The following KIAA1328 variants were observed in gnomAD, a reference collection of about 807,000 sequenced individuals.
KIAA1328 encodes KIAA1328, also known as protein hinderin.
KIAA1328 carries 52 observed loss-of-function variants against 68.1 expected under a neutral mutation model. That is an observed-to-expected ratio of 0.76 (90% confidence interval 0.61 to 0.96). The LOEUF is 0.96. KIAA1328 is among the 40% of genes least tolerant of loss of function. The pLI is 0.00. For missense variants in KIAA1328, 641 were observed against 677.6 expected, an observed-to-expected ratio of 0.95 and a Z score of 0.60; for synonymous variants, 232 against 239.4, an observed-to-expected ratio of 0.97 and a Z score of 0.28.
At chr18:37,013,365 T>C (rs1274369392) in intron 6 of KIAA1328, among the ~76,000 whole-genome samples, 1 of 152,224 alleles carries the variant, frequency 6.6e-6, no homozygotes, top group Non-Finnish European at 1.5e-5. Flanking sequence ...TTTTCAACTT[T>C]TATTTTTATG....
chr18:37,098,387 T>C (rs1396580087), intron 7 of KIAA1328, among the ~76,000 whole-genome samples: 3 of 152,202 alleles, frequency 2.0e-5, no homozygotes, highest in Non-Finnish European at 4.4e-5. Context: ...TATTGATTTG[T>C]GTATGTTGAA....
chr18:36,885,743 A>G, intron 5 of KIAA1328, 71 bp downstream of exon 5: 5 of 1,025,646 alleles, frequency 4.9e-6, no homozygotes, highest in Non-Finnish European at 7.2e-6. Context: ...TTGAGACGAA[A>G]TCTCGCTCTT....
chr18:37,228,415 T>G (rs2060650048), downstream of KIAA1328, among the ~76,000 whole-genome samples: 1 of 152,184 alleles, frequency 6.6e-6, no homozygotes, highest in African/African-American at 2.4e-5. Context: ...TGTGCCAAAC[T>G]TCATTGTTGT....
intron 6 of KIAA1328, among the ~76,000 whole-genome samples, chr18:37,006,633 G>T (rs1337218626): frequency 1.3e-5 from 2 of 151,844 alleles, no homozygotes; most frequent in Non-Finnish European, 2.9e-5. Context: ...CCATTAACTC[G>T]TCATTTACAT....
intron 6 of KIAA1328, among the ~76,000 whole-genome samples, chr18:36,963,562 G>C (rs2051788728): frequency 6.7e-6 from 1 of 149,066 alleles, no homozygotes; most frequent in Admixed American, 6.6e-5. Context: ...AGGTGTTACT[G>C]ATTTGTATTT....
chr18:37,101,559 A>T (rs1160863915), intron 7 of KIAA1328, among the ~76,000 whole-genome samples: 1 of 152,236 alleles, frequency 6.6e-6, no homozygotes, highest in East Asian at 1.9e-4. Context: ...CCTGAAAGTG[A>T]CGGGGAGAAT....
At chr18:36,927,506 G>T (rs1374119137) in intron 5 of KIAA1328, among the ~76,000 whole-genome samples, 1 of 152,192 alleles carries the variant, frequency 6.6e-6, no homozygotes, top group African/African-American at 2.4e-5. Flanking sequence ...CAACACTTTG[G>T]AAGGCTGCTA....
At chr18:37,049,304 G>A (rs2055600194) in intron 6 of KIAA1328, among the ~76,000 whole-genome samples, 1 of 152,174 alleles carries the variant, frequency 6.6e-6, no homozygotes, top group South Asian at 2.1e-4. Context: ...GGGGACATAG[G>A]AAAACCACAA....
chr18:36,934,251 C>T (rs2050418403), intron 5 of KIAA1328, among the ~76,000 whole-genome samples: 1 of 152,076 alleles, frequency 6.6e-6, no homozygotes, highest in South Asian at 2.1e-4. Context: ...TTGATGTTTT[C>T]CTCTCTGGAA....
intron 7 of KIAA1328, among the ~76,000 whole-genome samples, chr18:37,157,910 AATG>A (rs1317806251): frequency 3.3e-5 from 5 of 151,926 alleles, no homozygotes; most frequent in African/African-American, 1.2e-4. Flanking sequence ...TCTCTTATAG[AATG>A]ATATTTGCTT....
chr18:37,101,996 A>C (rs944575517), intron 7 of KIAA1328, among the ~76,000 whole-genome samples: 1 of 152,246 alleles, frequency 6.6e-6, no homozygotes, highest in Non-Finnish European at 1.5e-5. Context: ...ATTTCTCCCT[A>C]ACTCATTCTA....
intron 5 of KIAA1328, chr18:36,895,636 T>C (rs1217142989): frequency 1.3e-5 from 5 of 388,616 alleles, no homozygotes; most frequent in Non-Finnish European, 2.1e-5. Context: ...ATTCTGGGCT[T>C]AGCAAGGTTC....
chr18:36,862,301 A>G (rs2047590535), intron 4 of KIAA1328, among the ~76,000 whole-genome samples: 1 of 152,218 alleles, frequency 6.6e-6, no homozygotes, highest in Non-Finnish European at 1.5e-5. Context: ...TAGTCAAGAT[A>G]TGAAACAGTT....
chr18:37,182,927 A>G (rs1484737188), intron 9 of KIAA1328, among the ~76,000 whole-genome samples: 1 of 152,142 alleles, frequency 6.6e-6, no homozygotes, highest in African/African-American at 2.4e-5. Flanking sequence ...ATCTAAAACA[A>G]TACATGTGAT....
Position 36,830,369 on chromosome 18 carries a change from T to G in KIAA1328, c.58+1173T>G, listed in dbSNP as rs555420587. Among the ~76,000 whole-genome samples the G allele has an allele frequency of 4.6e-5, 7 of 152,360 alleles. No homozygotes were observed. The East Asian group carries it at 1.3e-3, about 29-fold the overall frequency. On this transcript the variant is annotated intron_variant, in intron 1 of 9. Transcript: ENST00000280020. ...TGTGGATGAAAGCATACTAGTGCAG[T>G]GTGCAAATTAAATATTTTTTCCTTT...
chr18:37,212,223 T>TA (rs1321948409), intron 9 of KIAA1328, among the ~76,000 whole-genome samples: 2 of 152,228 alleles, frequency 1.3e-5, no homozygotes, highest in African/African-American at 2.4e-5. Flanking sequence ...ACAAAGAATG[T>TA]GTTGATTGAA....
At chr18:36,936,195 C>T (rs1170140597) in intron 5 of KIAA1328, among the ~76,000 whole-genome samples, 5 of 151,762 alleles carry the variant, frequency 3.3e-5, no homozygotes, top group East Asian at 1.9e-4. Context: ...TTGTCCAGAA[C>T]GTGAAGGTTT....
At chr18:37,101,225 A>C (rs1221531106) in intron 7 of KIAA1328, among the ~76,000 whole-genome samples, 2 of 152,200 alleles carry the variant, frequency 1.3e-5, no homozygotes, top group African/African-American at 4.8e-5. Context: ...CTCTGAGCTA[A>C]AGGAGGAAGT....
chr18:37,088,110 C>T (rs1599220299), intron 7 of KIAA1328, among the ~76,000 whole-genome samples: 1 of 152,292 alleles, frequency 6.6e-6, no homozygotes, highest in Admixed American at 6.5e-5. Flanking sequence ...TTTCAGCTTA[C>T]AGCATCTTTT....
Sources: gnomAD v4.1 joint callset for allele counts (sites outside exome capture counted in the v4.1 genomes callset) on GRCh38, gnomAD v4.1.1 for gene constraint, MANE v1.5 for transcripts, NCBI Gene and HGNC (gene_info 2026-07-23, HGNC 2026-07-21) for gene names.